PLGRKT: variants seen among roughly 807,000 people sequenced by gnomAD.
The protein encoded by PLGRKT is plasminogen receptor (KT).
A neutral mutation model predicts 18.5 loss-of-function variants in PLGRKT; 22 were observed. The observed-to-expected ratio is 1.19, with a 90% CI of 0.85 to 1.70. The LOEUF (loss-of-function observed/expected upper bound fraction) is 1.70, where lower values mean the gene tolerates loss of function less well. Ranked by LOEUF, PLGRKT falls within the 40% of genes most tolerant of loss-of-function variation. The pLI is 0.00. For synonymous variants in PLGRKT, 72 were observed against 52.8 expected (o/e 1.36, Z -1.58); for missense variants, 235 against 174.4 (o/e 1.35, Z -1.96).
At chr9:5,429,198 A>C (rs1818765530) in intron 3 of PLGRKT, among the ~76,000 whole-genome samples, 1 of 152,198 alleles carries the variant, frequency 6.6e-6, no homozygotes. Flanking sequence ...TGTATTATAA[A>C]ACTCACAGTG....
Position 5,436,675 on chromosome 9 carries a change from T to G in PLGRKT, c.-113A>C, listed in dbSNP as rs1818966060. ...GTGGAAGCCAAGCAGGAAGAAGAGC[T>G]TCCTTATGGGAAACCACACCTGAGA... On this transcript the variant is annotated 5_prime_UTR_variant, in exon 2 of 6. Transcript: ENST00000223864. 1 of 152,218 alleles carries G rather than the reference T, an allele frequency of 6.6e-6. No individual in the cohort carries two copies. Among genetic ancestry groups the G allele is most frequent in the Non-Finnish European group, 1.5e-5 (1 of 68,048 alleles). The allele number at this position is 152,218 out of a possible 1,614,324, so 9.4% of individuals were successfully genotyped here.
chr9:5,423,794 C>A (rs141444015), intron 3 of PLGRKT, among the ~76,000 whole-genome samples: 2 of 148,954 alleles, frequency 1.3e-5, no homozygotes, highest in East Asian at 1.9e-4. Flanking sequence ...CCTGACCCCC[C>A]CAGGCTCAAG....
At position 5,432,087 on chromosome 9, in the gene PLGRKT, A is replaced by AG. The variant is rs199678464; in HGVS notation, c.-6-105dup. ...GGCTTATGACAAAGTAAAAAAAAAA[A>AG]GTAAAATTTCTGATCTAGGAACACA... On this transcript the variant is annotated intron_variant, in intron 2 of 5. Coordinates refer to ENST00000223864, the MANE Select transcript of PLGRKT (RefSeq NM_018465.4). 1,432 of 606,998 alleles carry AG rather than the reference A, an allele frequency of 2.4e-3. 14 individuals carry two copies. The African/African-American group carries it at 0.025, about 11-fold the overall frequency. The allele number at this position is 606,998 out of a possible 1,614,324, so 37.6% of individuals were successfully genotyped here.
At chr9:5,376,893 G>A (rs1375399201) in intron 3 of PLGRKT, among the ~76,000 whole-genome samples, 1 of 152,204 alleles carries the variant, frequency 6.6e-6, no homozygotes, top group Non-Finnish European at 1.5e-5. Context: ...GGTGGCTGGG[G>A]ACAGGGGTAA....
At chr9:5,434,750 C>T (rs1818925758) in intron 2 of PLGRKT, among the ~76,000 whole-genome samples, 1 of 151,962 alleles carries the variant, frequency 6.6e-6, no homozygotes, top group Admixed American at 6.6e-5. Flanking sequence ...TGCCCGGCCG[C>T]CCTGTCTGGG....
At chr9:5,381,392 A>C (rs1408145916) in intron 3 of PLGRKT, among the ~76,000 whole-genome samples, 1 of 152,232 alleles carries the variant, frequency 6.6e-6, no homozygotes, top group East Asian at 1.9e-4. Flanking sequence ...AAAAGGGCCA[A>C]GGTACAGCTC....
intron 3 of PLGRKT, among the ~76,000 whole-genome samples, chr9:5,409,368 G>A (rs1175447551): frequency 6.6e-6 from 1 of 152,196 alleles, no homozygotes; most frequent in Non-Finnish European, 1.5e-5. Flanking sequence ...GACTGGCGTA[G>A]CCTCCTGGCC....
intron 2 of PLGRKT, among the ~76,000 whole-genome samples, chr9:5,432,204 G>A (rs922170188): frequency 1.3e-5 from 2 of 152,128 alleles, no homozygotes; most frequent in Admixed American, 6.5e-5. Context: ...AACACCAACT[G>A]ATTGAACTAG....
chr9:5,427,808 A>G (rs1818732328), intron 3 of PLGRKT, among the ~76,000 whole-genome samples: 1 of 152,188 alleles, frequency 6.6e-6, no homozygotes, highest in Non-Finnish European at 1.5e-5. Flanking sequence ...AAGGAGGGAC[A>G]AGGGCCCTGG....
In PLGRKT at chr9:5,418,796, G is replaced by A. The variant is rs1332928891; in HGVS notation, c.81+13101C>T. On this transcript the variant is annotated intron_variant, in intron 3 of 5. Coordinates refer to ENST00000223864, the MANE Select transcript of PLGRKT (RefSeq NM_018465.4). The surrounding 1 kb of genome is among the most constrained non-coding windows in gnomAD (Gnocchi z 4.2). ...AGGAGCTGCGACACGGAGAAGTCAG[G>A]GGGCAGCTTGGTGACACCGCTGCAC... 4.6e-6 allele frequency: 4 copies of A among 878,958 alleles called. No homozygotes were observed. The highest frequency in any genetic ancestry group is 2.2e-4 in the Middle Eastern group (1 of 4,460). 54.4% of individuals were successfully genotyped at this position (878,958 alleles called of 1,614,324 possible).
At chr9:5,383,635 T>C (rs1446040390) in intron 3 of PLGRKT, among the ~76,000 whole-genome samples, 1 of 152,144 alleles carries the variant, frequency 6.6e-6, no homozygotes, top group Non-Finnish European at 1.5e-5. Flanking sequence ...TGATGGGAGA[T>C]AGTGACAGGT....
intron 3 of PLGRKT, among the ~76,000 whole-genome samples, chr9:5,426,010 T>C (rs1053162699): frequency 6.6e-6 from 1 of 152,178 alleles, no homozygotes; most frequent in East Asian, 1.9e-4. Flanking sequence ...AAGATGTTAT[T>C]TAGACATGGT....
At chr9:5,425,737 G>A (rs781557261) in intron 3 of PLGRKT, among the ~76,000 whole-genome samples, 1 of 152,144 alleles carries the variant, frequency 6.6e-6, no homozygotes, top group Non-Finnish European at 1.5e-5. Flanking sequence ...CCAGGATTGG[G>A]AGCCTGACCA....
At chr9:5,429,096 C>T (rs1230963399) in intron 3 of PLGRKT, among the ~76,000 whole-genome samples, 1 of 152,116 alleles carries the variant, frequency 6.6e-6, no homozygotes, top group Non-Finnish European at 1.5e-5. Context: ...TTAAAGGGAC[C>T]TTTATAGCCA....
At chr9:5,396,791 A>C (rs1451255030) in intron 3 of PLGRKT, among the ~76,000 whole-genome samples, 2 of 151,974 alleles carry the variant, frequency 1.3e-5, no homozygotes, top group Admixed American at 6.5e-5. Context: ...GATGCATTTT[A>C]TCATTATCAT....
At chr9:5,397,098 T>C (rs749652030) in intron 3 of PLGRKT, among the ~76,000 whole-genome samples, 4 of 151,948 alleles carry the variant, frequency 2.6e-5, no homozygotes, top group Admixed American at 2.0e-4. Flanking sequence ...TGGAAGCAAA[T>C]ATTTTAGTGG....
intron 3 of PLGRKT, among the ~76,000 whole-genome samples, chr9:5,386,031 C>T (rs1228193851): frequency 6.6e-6 from 1 of 151,760 alleles, no homozygotes; most frequent in Non-Finnish European, 1.5e-5. Flanking sequence ...TATCTAGTAT[C>T]TCCTGGCCCT....
chr9:5,436,076 C>T (rs912187106), intron 2 of PLGRKT, among the ~76,000 whole-genome samples: 4 of 152,212 alleles, frequency 2.6e-5, no homozygotes, highest in Non-Finnish European at 5.9e-5. Flanking sequence ...CCCCTTCTGC[C>T]ACTGTGCCAC....
chr9:5,436,538 C>T (rs899331850), intron 2 of PLGRKT, 31 bp downstream of exon 2: 3 of 152,260 alleles, frequency 2.0e-5, no homozygotes, highest in African/African-American at 7.2e-5. Flanking sequence ...GGGAAAGAAA[C>T]ACTGTCTGGG....
Sources: allele counts gnomAD v4.1 joint callset (sites outside exome capture counted in the v4.1 genomes callset), GRCh38; gene constraint gnomAD v4.1.1; non-coding constraint Gnocchi (gnomAD v3.1); transcripts MANE v1.5; gene names NCBI Gene and HGNC (gene_info 2026-07-23, HGNC 2026-07-21).